SCG5: variants seen among roughly 807,000 people sequenced by gnomAD.
SCG5 encodes the protein secretogranin V.
Under a neutral mutation model 25.7 loss-of-function variants are expected in SCG5, and 18 were observed. The ratio of observed to expected loss-of-function variants is 0.70; its 90% confidence interval spans 0.48 to 1.04. SCG5 has a LOEUF of 1.04. Ranked by LOEUF, SCG5 falls within the 50% of genes least tolerant of loss-of-function variation. The pLI, the probability that SCG5 is intolerant of heterozygous loss-of-function variation, is 0.00. For synonymous variants in SCG5, 101 were observed against 91.7 expected (o/e 1.10, Z -0.58); for missense variants, 206 against 259.8 (o/e 0.79, Z 1.42).
chr15:32,692,002 G>C (rs1446785365), intron 5 of SCG5: 13 of 1,377,474 alleles, frequency 9.4e-6, no homozygotes, highest in Non-Finnish European at 9.3e-6. Flanking sequence ...AGCAATTCTA[G>C]CAACTCCATT....
intron 5 of SCG5, among the ~76,000 whole-genome samples, chr15:32,696,125 C>T (rs1418055510): frequency 1.4e-5 from 2 of 147,652 alleles, no homozygotes; most frequent in Non-Finnish European, 3.0e-5. Flanking sequence ...TTTCTTTTTT[C>T]TTTTTTTTTT....
chr15:32,643,502 C>A, intron 1 of SCG5, 84 bp from the exon 2 acceptor site: 2 of 1,135,152 alleles, frequency 1.8e-6, no homozygotes, highest in Non-Finnish European at 2.6e-6. Context: ...CGAACCACAA[C>A]CTGGAGTGGT....
chr15:32,670,185 G>A (rs556600910), intron 2 of SCG5, among the ~76,000 whole-genome samples: 256 of 152,358 alleles, frequency 1.7e-3, no homozygotes, highest in Non-Finnish European at 2.7e-3. Flanking sequence ...TGCCTTTCAA[G>A]ACAAAATATC....
chr15:32,669,125 G>C (rs888429594), intron 2 of SCG5: 21 of 152,188 alleles, frequency 1.4e-4, no homozygotes, highest in African/African-American at 5.1e-4. Flanking sequence ...AATCCTACAG[G>C]AGCAGAGTAC....
intron 2 of SCG5, among the ~76,000 whole-genome samples, chr15:32,668,453 T>G (rs1405660785): frequency 6.6e-6 from 1 of 152,146 alleles, no homozygotes; most frequent in Non-Finnish European, 1.5e-5. Context: ...TGGGTGGAAG[T>G]GACATGATGG....
At chr15:32,660,970 C>T (rs1478170118) in intron 2 of SCG5, among the ~76,000 whole-genome samples, 2 of 152,148 alleles carry the variant, frequency 1.3e-5, no homozygotes, top group Non-Finnish European at 2.9e-5. Context: ...TCTATAACTG[C>T]AAAAGTTTGC....
At chr15:32,668,940 G>C (rs2054369047) in intron 2 of SCG5, 1 of 152,152 alleles carries the variant, frequency 6.6e-6, no homozygotes, top group Non-Finnish European at 1.5e-5. Context: ...CTCTGGTTTG[G>C]CCCCTAATGT....
intron 2 of SCG5, among the ~76,000 whole-genome samples, chr15:32,676,917 T>A (rs541255440): frequency 2.6e-5 from 4 of 152,164 alleles, no homozygotes; most frequent in Admixed American, 6.5e-5. Context: ...TCACTTATTG[T>A]TAGTAGTAGA....
intron 4 of SCG5, among the ~76,000 whole-genome samples, chr15:32,689,900 G>A (rs1487337303): frequency 6.7e-6 from 1 of 149,336 alleles, no homozygotes; most frequent in Non-Finnish European, 1.5e-5. Context: ...GGAGTGCAGT[G>A]GCGCAATCTC....
chr15:32,661,947 G>A (rs2054226689), intron 2 of SCG5, among the ~76,000 whole-genome samples: 1 of 152,022 alleles, frequency 6.6e-6, no homozygotes, highest in African/African-American at 2.4e-5. Flanking sequence ...CACATAGGTA[G>A]TTTTTAAAAT....
chr15:32,696,424 C>T lies in SCG5; in HGVS notation c.544-90C>T, dbSNP rs145441661. ...GAGCCACCGCGCCCGGCCCCAGAAA[C>T]GATTCTTGTTCATTTCTTTTCTGAG... On this transcript the variant is annotated intron_variant, in intron 5 of 5. Transcript: ENST00000300175. 583 of 974,026 alleles carry T rather than the reference C, an allele frequency of 6.0e-4. 1 individual carries two copies. In the African/African-American group the frequency reaches 8.4e-3, roughly 14 times the overall value. 60.3% of individuals were successfully genotyped at this position (974,026 alleles called of 1,614,324 possible).
intron 2 of SCG5, among the ~76,000 whole-genome samples, chr15:32,672,527 C>T (rs943885999): frequency 1.3e-5 from 2 of 152,216 alleles, no homozygotes; most frequent in African/African-American, 4.8e-5. Flanking sequence ...GCCATTTTGC[C>T]GGGGCCTGGC....
chr15:32,641,997 G>A (rs2053870644), intron 1 of SCG5, among the ~76,000 whole-genome samples: 1 of 152,146 alleles, frequency 6.6e-6, no homozygotes, highest in Non-Finnish European at 1.5e-5. Context: ...TTGCTGGGAT[G>A]ACATCCTGCA....
At position 32,661,127 on chromosome 15, in the gene SCG5, G is replaced by T. The variant is rs150932894; in HGVS notation, c.226+17309G>T. ...ATATGCAGATGATTCTATTTTACAA[G>T]GGAAAGTTGAGGTTTAGAGCAGGTG... On this transcript the variant is annotated intron_variant, in intron 2 of 5. Coordinates refer to ENST00000300175, the MANE Select transcript of SCG5 (RefSeq NM_001144757.3). Among the ~76,000 whole-genome samples the T allele has an allele frequency of 4.0e-3, 609 of 152,298 alleles. 7 individuals carry two copies. Among genetic ancestry groups the T allele is most frequent in the African/African-American group, 0.014 (570 of 41,554 alleles).
chr15:32,686,355 G>A (rs1339842158), intron 4 of SCG5, among the ~76,000 whole-genome samples: 2 of 152,170 alleles, frequency 1.3e-5, no homozygotes, highest in African/African-American at 2.4e-5. Context: ...CCCTAGACAG[G>A]AAGAAAATAT....
chr15:32,657,199 G>T, intron 2 of SCG5, among the ~76,000 whole-genome samples: 1 of 6,702 alleles, frequency 1.5e-4, no homozygotes, highest in East Asian at 0.012. Context: ...TCATCCTCCT[G>T]TATATATATA....
chr15:32,673,047 G>A (rs1419838794), intron 2 of SCG5: 1 of 152,102 alleles, frequency 6.6e-6, no homozygotes, highest in Non-Finnish European at 1.5e-5. Flanking sequence ...GTTGCATCGT[G>A]GTGGGACATC....
At chr15:32,653,616 C>G (rs534256662) in intron 2 of SCG5, among the ~76,000 whole-genome samples, 3 of 152,282 alleles carry the variant, frequency 2.0e-5, no homozygotes, top group East Asian at 1.9e-4. Flanking sequence ...ATTTGTAAGA[C>G]AGACTGGAGA....
In SCG5 at chr15:32,691,985, A is replaced by G. The variant is rs1439959968; in HGVS notation, c.543+222A>G. ...GCAGATGATTTTTAGTGGAACGCGC[A>G]GTCTGTAGCAATTCTAGCAACTCCA... On this transcript the variant is annotated intron_variant, in intron 5 of 5. Coordinates refer to ENST00000300175, the MANE Select transcript of SCG5 (RefSeq NM_001144757.3). 2.8e-6 allele frequency: 4 copies of G among 1,413,786 alleles called. No homozygotes were observed. The African/African-American group carries it at 5.8e-5, about 20-fold the overall frequency. 87.6% of individuals were successfully genotyped at this position (1,413,786 alleles called of 1,614,324 possible).
Sources: allele counts gnomAD v4.1 joint callset (sites outside exome capture counted in the v4.1 genomes callset), GRCh38; gene constraint gnomAD v4.1.1; transcripts MANE v1.5; gene names NCBI Gene and HGNC (gene_info 2026-07-23, HGNC 2026-07-21).